DTD1: variants seen among roughly 807,000 people sequenced by gnomAD.
The protein encoded by DTD1 is D-tyrosyl-tRNA deacylase 1 homolog.
A neutral mutation model predicts 25.6 loss-of-function variants in DTD1; 13 were observed. That is an observed-to-expected ratio of 0.51 (90% confidence interval 0.33 to 0.81). The LOEUF is 0.81. DTD1 is among the 30% of genes least tolerant of loss of function. The pLI is 0.02. For missense variants in DTD1, 193 were observed against 266.4 expected, an observed-to-expected ratio of 0.72 and a Z score of 1.92; for synonymous variants, 110 against 103.6, an observed-to-expected ratio of 1.06 and a Z score of -0.37.
At chr20:18,643,499 A>G (rs1212339349) in intron 4 of DTD1, 2 of 168,284 alleles carry the variant, frequency 1.2e-5, no homozygotes, top group Admixed American at 1.2e-4. Context: ...GTTTGATAGC[A>G]TAATCTGAGT....
rs116845651 is a variant in DTD1 at position 18,659,422 on chromosome 20, T to C, written c.477+31189T>C. ...ACAAGTACATGTGCCCTTTCCATTA[T>C]ATTCATGATGTTTAATTTCTCTTTT... is the stretch of plus-strand genomic sequence containing the variant. On this transcript the variant is annotated intron_variant, in intron 4 of 5. Transcript: ENST00000377452. Among the ~76,000 whole-genome samples, 597 of 152,364 alleles carry C rather than the reference T, an allele frequency of 3.9e-3. 3 individuals carry two copies. Among genetic ancestry groups the C allele is most frequent in the Middle Eastern group, 0.017 (5 of 294 alleles).
intron 4 of DTD1, among the ~76,000 whole-genome samples, chr20:18,736,939 A>G (rs2061257837): frequency 6.6e-6 from 1 of 152,266 alleles, no homozygotes; most frequent in Non-Finnish European, 1.5e-5. Context: ...CACTGTGTCC[A>G]TCTCAGCTAA....
chr20:18,730,620 G>A (rs538380829), intron 4 of DTD1, among the ~76,000 whole-genome samples: 1 of 152,294 alleles, frequency 6.6e-6, no homozygotes, highest in Non-Finnish European at 1.5e-5. Context: ...AATTGATTGT[G>A]AATCTGGATT....
At chr20:18,738,138 A>G (rs2061263807) in intron 4 of DTD1, among the ~76,000 whole-genome samples, 1 of 152,190 alleles carries the variant, frequency 6.6e-6, no homozygotes, top group Non-Finnish European at 1.5e-5. Flanking sequence ...TAGAGTAGGT[A>G]TAGTCAGTGC....
chr20:18,736,961 G>A (rs955079424), intron 4 of DTD1, among the ~76,000 whole-genome samples: 3 of 152,178 alleles, frequency 2.0e-5, no homozygotes, highest in Non-Finnish European at 4.4e-5. Context: ...GGGTGGCTCG[G>A]GCTCCTGCCC....
intron 4 of DTD1, among the ~76,000 whole-genome samples, chr20:18,685,827 G>C (rs992597260): frequency 6.6e-6 from 1 of 152,198 alleles, no homozygotes; most frequent in East Asian, 1.9e-4. Flanking sequence ...AATGGGAATA[G>C]GAGAAGGGAG....
At chr20:18,698,453 T>C (rs1472358640) in intron 4 of DTD1, 1 of 152,272 alleles carries the variant, frequency 6.6e-6, no homozygotes, top group Non-Finnish European at 1.5e-5. Context: ...CCTTACCTTG[T>C]CTTTCTAGCT....
chr20:18,665,243 G>C (rs2060927283), intron 4 of DTD1, among the ~76,000 whole-genome samples: 1 of 152,152 alleles, frequency 6.6e-6, no homozygotes, highest in South Asian at 2.1e-4. Flanking sequence ...AGGGGGTCTT[G>C]GCAGTTGTGC....
At chr20:18,633,122 T>A (rs2060795125) in intron 4 of DTD1, among the ~76,000 whole-genome samples, 1 of 152,228 alleles carries the variant, frequency 6.6e-6, no homozygotes, top group African/African-American at 2.4e-5. Context: ...AACTCTTCAG[T>A]GCCTTCCAAG....
chr20:18,671,815 G>T (rs62216978), intron 4 of DTD1, among the ~76,000 whole-genome samples: 4,813 of 152,328 alleles, frequency 0.032, 117 homozygotes, highest in Non-Finnish European at 0.044. Context: ...GGGGCAAGAA[G>T]TTTGAGGGCA....
intron 2 of DTD1, among the ~76,000 whole-genome samples, chr20:18,595,613 G>C (rs563817741): frequency 6.6e-6 from 1 of 152,240 alleles, no homozygotes; most frequent in Non-Finnish European, 1.5e-5. Flanking sequence ...TTTAAAAATG[G>C]ATGTCATTTA....
chr20:18,716,622 T>C (rs1331052114), intron 4 of DTD1, among the ~76,000 whole-genome samples: 1 of 152,228 alleles, frequency 6.6e-6, no homozygotes. Flanking sequence ...AATAGTAAGA[T>C]AGGCCAGCCT....
intron 4 of DTD1, among the ~76,000 whole-genome samples, chr20:18,727,983 G>A (rs942663518): frequency 6.6e-6 from 1 of 152,234 alleles, no homozygotes; most frequent in South Asian, 2.1e-4. Context: ...TGGAAAGGGG[G>A]TTCCAGGGAG....
At chr20:18,649,305 C>A (rs1364417524) in intron 4 of DTD1, among the ~76,000 whole-genome samples, 1 of 119,162 alleles carries the variant, frequency 8.4e-6, no homozygotes, top group African/African-American at 3.2e-5. Flanking sequence ...CTCTGATGGG[C>A]TTTCTCAGCC....
intron 5 of DTD1, 40 bp downstream of exon 5, chr20:18,744,311 G>T (rs917908855): frequency 6.3e-6 from 10 of 1,596,050 alleles, no homozygotes; most frequent in Admixed American, 1.7e-5. Context: ...CCCACATTTT[G>T]GGGAAGCAGC....
chr20:18,744,514 TC>T (rs539460569), intron 5 of DTD1, among the ~76,000 whole-genome samples: 99 of 152,126 alleles, frequency 6.5e-4, no homozygotes, highest in Non-Finnish European at 1.2e-3. Flanking sequence ...GACTCGCAGT[TC>T]CACGTGGCTG....
At chr20:18,728,816 A>G (rs117324481) in intron 4 of DTD1, among the ~76,000 whole-genome samples, 2,556 of 152,240 alleles carry the variant, frequency 0.017, 41 homozygotes, top group South Asian at 0.031. Context: ...GTGTATTTTG[A>G]GTCAGGAGAA....
At chr20:18,657,378 T>C (rs1337440937) in intron 4 of DTD1, among the ~76,000 whole-genome samples, 3 of 152,138 alleles carry the variant, frequency 2.0e-5, no homozygotes, top group Admixed American at 6.5e-5. Flanking sequence ...TATTAGAAAA[T>C]AGACAAAGAA....
At chr20:18,675,660 T>C (rs1008846833) in intron 4 of DTD1, 5 of 150,608 alleles carry the variant, frequency 3.3e-5, no homozygotes, top group African/African-American at 4.9e-5. Context: ...AATTCTAACC[T>C]TCACATTACC....
Sources: gnomAD v4.1 joint callset for allele counts (sites outside exome capture counted in the v4.1 genomes callset) on GRCh38, gnomAD v4.1.1 for gene constraint, MANE v1.5 for transcripts, NCBI Gene and HGNC (gene_info 2026-07-23, HGNC 2026-07-21) for gene names.